Variants in SLC23A2 observed in about 807,000 individuals in gnomAD.
SLC23A2 encodes the protein Na(+)/L-ascorbic acid transporter 2.
Under a neutral mutation model 73.3 loss-of-function variants are expected in SLC23A2, and 36 were observed. The observed-to-expected ratio is 0.49, with a 90% CI of 0.38 to 0.65. The LOEUF (loss-of-function observed/expected upper bound fraction) is 0.65. Ranked by LOEUF, SLC23A2 falls within the 30% of genes least tolerant of loss-of-function variation. SLC23A2 has a pLI of 0.00. For synonymous variants in SLC23A2, 343 were observed against 327.3 expected, an observed-to-expected ratio of 1.05 and a Z score of -0.52; for missense variants, 507 against 841.6, an observed-to-expected ratio of 0.60 and a Z score of 4.92.
chr20:4,973,903 T>G (rs1004360139), intron 1 of SLC23A2, among the ~76,000 whole-genome samples: 4 of 152,172 alleles, frequency 2.6e-5, no homozygotes, highest in Admixed American at 1.3e-4. Flanking sequence ...CTACATGCTG[T>G]GGTTTCCAGA....
At chr20:4,866,890 C>A (rs569866656) in intron 13 of SLC23A2, among the ~76,000 whole-genome samples, 1 of 151,930 alleles carries the variant, frequency 6.6e-6, no homozygotes, top group African/African-American at 2.4e-5. Context: ...CGTAGGCCAT[C>A]GAGGATGGTG....
In SLC23A2 at chr20:4,854,373, G is replaced by A. The variant is rs1458264237; in HGVS notation, c.*2599C>T. The A allele has an allele frequency of 6.8e-6, 1 of 147,200 alleles. No homozygotes were observed. Among genetic ancestry groups the A allele is most frequent in the East Asian group, 1.9e-4 (1 of 5,132 alleles). 9.1% of individuals were successfully genotyped at this position (147,200 alleles called of 1,614,324 possible). ...TTCTGTAGCATATTTTCCAGTAGGA[G>A]AACCACTTCCTAAAATGGTGTGTGT... On this transcript the variant is annotated 3_prime_UTR_variant, in exon 17 of 17. Transcript: ENST00000338244.
chr20:4,930,498 G>A (rs762725500), intron 3 of SLC23A2, among the ~76,000 whole-genome samples: 10 of 152,266 alleles, frequency 6.6e-5, no homozygotes, highest in Middle Eastern at 3.4e-3. Flanking sequence ...AAGTGTGAAC[G>A]AAAGCAGTCA....
intron 3 of SLC23A2, among the ~76,000 whole-genome samples, chr20:4,925,483 C>A (rs910110147): frequency 6.6e-6 from 1 of 152,100 alleles, no homozygotes; most frequent in Admixed American, 6.6e-5. Flanking sequence ...CAGGACAGAG[C>A]CTCACGCAAA....
At chr20:4,880,825 A>T (rs1930853784) in intron 9 of SLC23A2, among the ~76,000 whole-genome samples, 1 of 152,038 alleles carries the variant, frequency 6.6e-6, no homozygotes, top group Admixed American at 6.6e-5. Flanking sequence ...GGCTCCAGAC[A>T]TTGGAACAGT....
chr20:4,971,683 A>C (rs1341056840), intron 1 of SLC23A2, among the ~76,000 whole-genome samples: 3 of 151,336 alleles, frequency 2.0e-5, no homozygotes, highest in African/African-American at 7.3e-5. Context: ...GCTACTCAGG[A>C]GGCTGAGGCA....
chr20:4,914,962 C>A (rs1932273813), intron 3 of SLC23A2, among the ~76,000 whole-genome samples: 1 of 152,120 alleles, frequency 6.6e-6, no homozygotes, highest in South Asian at 2.1e-4. Flanking sequence ...ACTGCTGGAA[C>A]ATGAAAGGTG....
chr20:4,990,717 C>A (rs963690298), intron 1 of SLC23A2, among the ~76,000 whole-genome samples: 1 of 151,110 alleles, frequency 6.6e-6, no homozygotes, highest in African/African-American at 2.4e-5. Flanking sequence ...CACAGTGGCT[C>A]ACGCCTGTAA....
chr20:4,857,443 C>T lies in SLC23A2; in HGVS notation c.1721-239G>A, dbSNP rs944036272. ...CCAGAAGTCTAAGAAGCACTAACCC[C>T]TCCATGTCCTCATTCAAGCAATCAC... On this transcript the variant is annotated intron_variant, in intron 16 of 16. Coordinates refer to ENST00000338244, the MANE Select transcript of SLC23A2 (RefSeq NM_005116.6). The surrounding 1 kb of genome is among the most constrained non-coding windows in gnomAD (Gnocchi z 4.0). 6.6e-6 allele frequency among the ~76,000 whole-genome samples: 1 copy of T among 152,156 alleles called. No homozygotes were observed. The highest frequency in any genetic ancestry group is 2.4e-5 in the African/African-American group (1 of 41,424).
chr20:5,001,969 C>G (rs2088134774), upstream of SLC23A2, among the ~76,000 whole-genome samples: 1 of 152,030 alleles, frequency 6.6e-6, no homozygotes, highest in South Asian at 2.1e-4. Context: ...TTTTTTTAAC[C>G]TAACTGGAGA....
intron 15 of SLC23A2, among the ~76,000 whole-genome samples, chr20:4,859,798 A>G (rs1385117026): frequency 6.6e-6 from 1 of 152,270 alleles, no homozygotes; most frequent in Non-Finnish European, 1.5e-5. Flanking sequence ...GCAGTCATAG[A>G]AGACTTTTCA....
intron 1 of SLC23A2, among the ~76,000 whole-genome samples, chr20:4,972,567 T>G (rs1294493886): frequency 8.0e-6 from 1 of 124,630 alleles, no homozygotes; most frequent in African/African-American, 2.9e-5. Context: ...TTTTGGGGGG[T>G]TTTTTGGGGT....
chr20:4,954,713 A>AG (rs888281255), intron 2 of SLC23A2, among the ~76,000 whole-genome samples: 12 of 150,230 alleles, frequency 8.0e-5, no homozygotes, highest in East Asian at 5.8e-4. Flanking sequence ...AAAAAAAAAA[A>AG]AAAGAAAGAA....
chr20:4,932,305 A>G lies in SLC23A2; in HGVS notation c.108+150T>C, dbSNP rs998297836. On this transcript the variant is annotated intron_variant, in intron 3 of 16. Transcript: ENST00000338244. The stretch of plus-strand genomic sequence containing the variant: ...AGAGCACAGCTAAAACCCAAGAGTT[A>G]GCCCAAAGACTATCTCACATATAAA... 1.9e-5 allele frequency: 12 copies of G among 628,136 alleles called. No individual in the cohort carries two copies. In the East Asian group the frequency reaches 3.0e-4, roughly 16 times the overall value. 38.9% of individuals were successfully genotyped at this position (628,136 alleles called of 1,614,324 possible). A position where few individuals can be genotyped will look rare whatever the true frequency, so the allele number is the denominator to read the frequency against.
chr20:4,916,875 A>T (rs1932341709), intron 3 of SLC23A2, among the ~76,000 whole-genome samples: 1 of 152,170 alleles, frequency 6.6e-6, no homozygotes, highest in Non-Finnish European at 1.5e-5. Flanking sequence ...GGCTAATGTA[A>T]GGGTTCTGAG....
chr20:4,929,555 TG>T (rs112062770), intron 3 of SLC23A2, among the ~76,000 whole-genome samples: 8,433 of 152,278 alleles, frequency 0.055, 369 homozygotes, highest in South Asian at 0.11. Context: ...ATGAAATTCC[TG>T]GAAGATTCCA....
At chr20:4,871,013 A>C (rs1216623516) in intron 11 of SLC23A2, among the ~76,000 whole-genome samples, 2 of 152,168 alleles carry the variant, frequency 1.3e-5, no homozygotes, top group African/African-American at 2.4e-5. Flanking sequence ...TTTTTTCTTC[A>C]CAAGTATATT....
chr20:4,896,049 A>G (rs1047616702), intron 6 of SLC23A2, among the ~76,000 whole-genome samples: 44 of 152,308 alleles, frequency 2.9e-4, no homozygotes, highest in African/African-American at 9.9e-4. Flanking sequence ...AGATGGGAAC[A>G]GGAAGGGTGG....
At chr20:4,972,565 G>T in intron 1 of SLC23A2, among the ~76,000 whole-genome samples, 1 of 126,658 alleles carries the variant, frequency 7.9e-6, no homozygotes, top group Non-Finnish European at 1.8e-5. Context: ...GTTTTTGGGG[G>T]GTTTTTTGGG....
Sources: gnomAD v4.1 joint callset for allele counts (sites outside exome capture counted in the v4.1 genomes callset) on GRCh38, gnomAD v4.1.1 for gene constraint, Gnocchi (gnomAD v3.1) non-coding constraint, MANE v1.5 for transcripts, NCBI Gene and HGNC (gene_info 2026-07-23, HGNC 2026-07-21) for gene names.